NOBOX: variants seen among roughly 807,000 people sequenced by gnomAD.
The protein encoded by NOBOX is NOBOX oogenesis homeobox.
In NOBOX, 46 loss-of-function variants were observed where a neutral mutation model predicts 60.2. The ratio of observed to expected loss-of-function variants is 0.76; its 90% confidence interval spans 0.60 to 0.98. The LOEUF (loss-of-function observed/expected upper bound fraction) is 0.98, where lower values mean the gene tolerates loss of function less well. NOBOX is among the 50% of genes least tolerant of loss of function. The probability of loss-of-function intolerance (pLI) is 0.00; values close to 1 mark genes in which losing one functional copy is unlikely to be tolerated. For synonymous variants in NOBOX, 360 were observed against 346.3 expected (o/e 1.04, Z -0.44); for missense variants, 880 against 865.5 (o/e 1.02, Z -0.21).
At position 144,399,847 on chromosome 7, in the gene NOBOX, C is replaced by T. The variant is rs201947677; in HGVS notation, c.1064G>A (p.Arg355His). 9.1e-5 allele frequency: 147 copies of T among 1,611,620 alleles called. 1 individual carries two copies. Among genetic ancestry groups the T allele is most frequent in the South Asian group, 2.8e-4 (25 of 90,798 alleles). The stretch of plus-strand genomic sequence containing the variant: ...CTCCATTTTTCGCCACTTGGCCCGG[C>T]GATTCTGGAACCACACCTATGGGGG... Residue 355 changes from arginine to histidine, a missense_variant, in exon 6 of 10, where the codon CGC becomes CAC. Transcript: ENST00000467773.
In NOBOX at chr7:144,398,309, G is replaced by T; in HGVS notation, c.1747C>A (p.Leu583Met). The stretch of plus-strand genomic sequence containing the variant: ...ATATTCCCAGCAGGTGGTTGCATCA[G>T]GATCTGTCCTGAGGAGGCACCTGGG... The change falls in exon 9 of 10, where the codon CTG becomes ATG. Residue 583 changes from leucine to methionine, a missense_variant. Leu to Met is a conservative substitution (Grantham distance 15, BLOSUM62 2). Transcript: ENST00000467773. 1 of 1,537,270 alleles carries T rather than the reference G, an allele frequency of 6.5e-7. No homozygotes were observed. Among genetic ancestry groups the T allele is most frequent in the South Asian group, 1.2e-5 (1 of 84,040 alleles).
chr7:144,403,960 G>T (rs531304845), intron 2 of NOBOX, among the ~76,000 whole-genome samples: 2 of 152,226 alleles, frequency 1.3e-5, no homozygotes, highest in Admixed American at 6.5e-5. Context: ...GCCCAGGTGC[G>T]GGTCTCCTTC....
chr7:144,399,627 T>C (rs2053921767), intron 6 of NOBOX, 130 bp downstream of exon 4: 2 of 1,133,882 alleles, frequency 1.8e-6, no homozygotes, highest in Admixed American at 4.1e-5. Context: ...CCAAAATCCC[T>C]CTAAATCTTA....
At position 144,404,819 on chromosome 7, in the gene NOBOX, C is replaced by T. The variant is rs1251444733; in HGVS notation, c.86-139G>A. 2.2e-5 allele frequency: 23 copies of T among 1,051,520 alleles called. No homozygotes were observed. In the South Asian group the frequency reaches 3.7e-4, roughly 17 times the overall value. 65.1% of individuals were successfully genotyped at this position (1,051,520 alleles called of 1,614,324 possible). ...TTCCTGGTTCACGGAATGTTTCTTACTATCTTTATACAAACAAAATCAGAA... is the reference window on the plus strand; with the variant it reads ...TTCCTGGTTCACGGAATGTTTCTTATTATCTTTATACAAACAAAATCAGAA... On this transcript the variant is annotated intron_variant, in intron 1 of 9. Transcript: ENST00000467773.
intron 8 of NOBOX, 85 bp downstream of exon 6, chr7:144,398,865 C>T (rs1431024545): frequency 2.7e-6 from 2 of 749,908 alleles, no homozygotes; most frequent in Admixed American, 4.5e-5. Context: ...TTAACCCTCT[C>T]CTCTCTGTGT....
At chr7:144,398,613 A>G in intron 8 of NOBOX, 27 bp from the exon 7 acceptor site, 1 of 1,508,900 alleles carries the variant, frequency 6.6e-7, no homozygotes, top group Non-Finnish European at 8.9e-7. Context: ...ACAGCTGGTG[A>G]GGTGCAGGGG....
chr7:144,404,976 A>C (rs1455657607), intron 1 of NOBOX, among the ~76,000 whole-genome samples: 1 of 152,120 alleles, frequency 6.6e-6, no homozygotes, highest in Non-Finnish European at 1.5e-5. Context: ...TGCTTTAAGG[A>C]TTTAAAAGAC....
At chr7:144,407,491 T>C (rs1018227805) in intron 1 of NOBOX, among the ~76,000 whole-genome samples, 1 of 152,090 alleles carries the variant, frequency 6.6e-6, no homozygotes, top group African/African-American at 2.4e-5. Context: ...CAGGAAGAGA[T>C]GACCTGTCCA....
chr7:144,404,379 C>T (rs1200800000), intron 2 of NOBOX, among the ~76,000 whole-genome samples: 1 of 151,812 alleles, frequency 6.6e-6, no homozygotes, highest in African/African-American at 2.4e-5. Flanking sequence ...TCGCGAGTAG[C>T]TGGGACTACA....
intron 1 of NOBOX, chr7:144,404,822 T>C: frequency 2.0e-6 from 2 of 1,024,142 alleles, no homozygotes; most frequent in Non-Finnish European, 1.4e-6. Flanking sequence ...TTTCTTACTA[T>C]CTTTATACAA....
Position 144,398,306 on chromosome 7 carries a change from T to A in NOBOX, c.1750A>T (p.Met584Leu), listed in dbSNP as rs1315555993. ...CCTATATTCCCAGCAGGTGGTTGCA[T>A]CAGGATCTGTCCTGAGGAGGCACCT... The change falls in exon 9 of 10, where the codon ATG (methionine) becomes TTG (leucine). Residue 584 changes from methionine to leucine, a missense_variant. Physicochemically the swap from Met to Leu is conservative, Grantham distance 15. Coordinates refer to ENST00000467773, the MANE Select transcript of NOBOX (RefSeq NM_001080413.3). 1 of 1,537,148 alleles carries A rather than the reference T, an allele frequency of 6.5e-7. No homozygotes were observed. The highest frequency in any genetic ancestry group is 8.7e-7 in the Non-Finnish European group (1 of 1,146,944).
intron 6 of NOBOX, 62 bp downstream of exon 4, chr7:144,399,695 G>T: frequency 1.4e-6 from 2 of 1,384,150 alleles, no homozygotes; most frequent in Non-Finnish European, 2.0e-6. Context: ...AGACCCTCAG[G>T]ATCCCAGCTT....
chr7:144,403,025 G>A (rs1188610213), intron 2 of NOBOX, among the ~76,000 whole-genome samples: 4 of 152,136 alleles, frequency 2.6e-5, no homozygotes, highest in Non-Finnish European at 5.9e-5. Flanking sequence ...CCAACGTGCT[G>A]GGATTACAGA....
chr7:144,409,700 T>C (rs1339407577), intron 1 of NOBOX, among the ~76,000 whole-genome samples: 1 of 152,232 alleles, frequency 6.6e-6, no homozygotes, highest in Admixed American at 6.5e-5. Flanking sequence ...TTTCCCTTAA[T>C]GGCTTTTAAA....
intron 1 of NOBOX, among the ~76,000 whole-genome samples, chr7:144,405,199 A>G (rs1260707689): frequency 6.6e-6 from 1 of 152,216 alleles, no homozygotes; most frequent in Non-Finnish European, 1.5e-5. Context: ...TAAGGCGGAT[A>G]GCTTCTGTTT....
intron 2 of NOBOX, among the ~76,000 whole-genome samples, chr7:144,404,000 GGCGAGGCTGGGGTGGGAGGCGGGA>G (rs898681898): frequency 1.8e-4 from 28 of 152,134 alleles, no homozygotes; most frequent in African/African-American, 5.1e-4. Flanking sequence ...GGGGCTGGAG[GGCGAGGCTGGGGTGGGAGGCGGGA>G]GCGAGGCTAC....
chr7:144,401,822 C>A lies in NOBOX; in HGVS notation c.292+47G>T, dbSNP rs369165045. The A allele has an allele frequency of 9.5e-5, 127 of 1,342,166 alleles. 1 individual carries two copies. In the East Asian group the frequency reaches 1.7e-3, roughly 18 times the overall value. 83.1% of individuals were successfully genotyped at this position (1,342,166 alleles called of 1,614,324 possible). A position where few individuals can be genotyped will look rare whatever the true frequency, so the allele number is the denominator to read the frequency against. ...AAAATGTAGACAAATTTATGCAATT[C>A]TGAGACGGCGTTAGCTCATGGTATC... is the stretch of plus-strand genomic sequence containing the variant. On this transcript the variant is annotated intron_variant, in intron 3 of 9. Coordinates refer to ENST00000467773, the MANE Select transcript of NOBOX (RefSeq NM_001080413.3). The surrounding 1 kb of genome is among the most constrained non-coding windows in gnomAD (Gnocchi z 4.2).
downstream of NOBOX, chr7:144,397,118 C>T (rs2053897903): frequency 1.5e-5 from 12 of 809,236 alleles, no homozygotes; most frequent in Admixed American, 8.8e-5. Context: ...ACAGGGGAAA[C>T]GTCTAACTCT....
intron 6 of NOBOX, 68 bp from the exon 5 acceptor site, chr7:144,399,550 A>G (rs1563127955): frequency 1.5e-6 from 2 of 1,344,586 alleles, no homozygotes; most frequent in Non-Finnish European, 1.0e-6. Flanking sequence ...CCTCATTGCC[A>G]GGAGAGACAC....
Sources: gnomAD v4.1 joint callset for allele counts (sites outside exome capture counted in the v4.1 genomes callset) on GRCh38, gnomAD v4.1.1 for gene constraint, Gnocchi (gnomAD v3.1) non-coding constraint, MANE v1.5 for transcripts, NCBI Gene and HGNC (gene_info 2026-07-23, HGNC 2026-07-21) for gene names.